Variants in SGCZ observed in about 807,000 individuals in gnomAD.
The protein encoded by SGCZ is sarcoglycan zeta.
In SGCZ, 40 loss-of-function variants were observed where a neutral mutation model predicts 41.3. The observed-to-expected ratio is 0.97, with a 90% CI of 0.75 to 1.26. The LOEUF (loss-of-function observed/expected upper bound fraction) is 1.26, where lower values mean the gene tolerates loss of function less well. Among genes scored for constraint, SGCZ ranks in the 50% most tolerant of loss-of-function variants. The pLI, the probability that SGCZ is intolerant of heterozygous loss-of-function variation, is 0.00. For missense variants in SGCZ, 552 were observed against 369.8 expected, an observed-to-expected ratio of 1.49 and a Z score of -4.04; for synonymous variants, 206 against 137.5, an observed-to-expected ratio of 1.50 and a Z score of -3.49.
intron 1 of SGCZ, among the ~76,000 whole-genome samples, chr8:14,880,761 C>G (rs1397610243): frequency 6.6e-6 from 1 of 152,010 alleles, no homozygotes; most frequent in African/African-American, 2.4e-5. Context: ...ATTGAGAACA[C>G]TTGGACACAG....
At chr8:14,435,660 C>T (rs1465690294) in intron 2 of SGCZ, among the ~76,000 whole-genome samples, 1 of 152,108 alleles carries the variant, frequency 6.6e-6, no homozygotes, top group African/African-American at 2.4e-5. Flanking sequence ...TGATACTAAA[C>T]ATTCAAAAGA....
chr8:14,811,500 C>G (rs902313380), intron 1 of SGCZ, among the ~76,000 whole-genome samples: 3 of 129,738 alleles, frequency 2.3e-5, no homozygotes, highest in Non-Finnish European at 4.7e-5. Flanking sequence ...ATGAAACATT[C>G]GCTGAAAGAC....
chr8:14,795,769 C>T (rs190316001), intron 1 of SGCZ, among the ~76,000 whole-genome samples: 2 of 152,166 alleles, frequency 1.3e-5, no homozygotes, highest in East Asian at 1.9e-4. Context: ...TATTTTATCA[C>T]CCAGGTTTTA....
rs1458291953 is a variant in SGCZ, at chr8:15,094,106, C to T, written c.39+143479G>A. On this transcript the variant is annotated intron_variant, in intron 1 of 7. Coordinates refer to ENST00000382080, the MANE Select transcript of SGCZ (RefSeq NM_139167.4). ...TAAGACAGAGGGATGGAGAGTGATA[C>T]GGCAGTTGTTTTATTTATTTATGGT... Among the ~76,000 whole-genome samples, 97 of 151,972 alleles carry T rather than the reference C, an allele frequency of 6.4e-4. 1 individual carries two copies. Among genetic ancestry groups the T allele is most frequent in the East Asian group, 1.9e-4 (1 of 5,170 alleles).
intron 3 of SGCZ, among the ~76,000 whole-genome samples, chr8:14,265,571 T>A (rs1799839322): frequency 6.6e-6 from 1 of 152,080 alleles, no homozygotes; most frequent in South Asian, 2.1e-4. Flanking sequence ...TATATTTTAT[T>A]TTCATATCGC....
chr8:15,063,637 T>C (rs1222997167), intron 1 of SGCZ, among the ~76,000 whole-genome samples: 1 of 152,176 alleles, frequency 6.6e-6, no homozygotes, highest in Admixed American at 6.5e-5. Context: ...CTGAAATGAC[T>C]TTGAATATTG....
rs11443740 is a variant in SGCZ at position 14,933,431 on chromosome 8, C to CTTT, written c.39+304151_39+304153dup. ...GTTTTATTCCATATACTTTTTTTTT[C>CTTT]TTTTTTTTTTTTTTTTTGGAGACGG... On this transcript the variant is annotated intron_variant, in intron 1 of 7. Transcript: ENST00000382080. Among the ~76,000 whole-genome samples the CTTT allele has an allele frequency of 4.5e-4, 54 of 120,404 alleles. 1 individual carries two copies. The highest frequency in any genetic ancestry group is 7.8e-4 in the South Asian group (3 of 3,854). The allele number at this position is 120,404 out of a possible 152,430, so 79.0% of individuals were successfully genotyped here. A position where few individuals can be genotyped will look rare whatever the true frequency, so the allele number is the denominator to read the frequency against.
At chr8:14,373,240 C>T (rs1158106899) in intron 2 of SGCZ, among the ~76,000 whole-genome samples, 1 of 152,068 alleles carries the variant, frequency 6.6e-6, no homozygotes, top group East Asian at 1.9e-4. Flanking sequence ...TGGCAAAAGA[C>T]CGTTGGCATT....
At chr8:14,666,093 T>G (rs10503509) in intron 1 of SGCZ, among the ~76,000 whole-genome samples, 1 of 151,964 alleles carries the variant, frequency 6.6e-6, no homozygotes, top group Non-Finnish European at 1.5e-5. Flanking sequence ...AGATTTTAAG[T>G]CTTTTCTCTG....
chr8:14,634,222 ATAAT>A, intron 1 of SGCZ, among the ~76,000 whole-genome samples: 1 of 152,022 alleles, frequency 6.6e-6, no homozygotes, highest in South Asian at 2.1e-4. Flanking sequence ...TTCATGAGTA[ATAAT>A]TAATAGATTT....
intron 2 of SGCZ, among the ~76,000 whole-genome samples, chr8:14,378,129 A>G (rs1804207311): frequency 6.7e-6 from 1 of 150,140 alleles, no homozygotes; most frequent in African/African-American, 2.5e-5. Flanking sequence ...TGGTTGAACT[A>G]GTTTACAGTC....
At chr8:15,221,456 G>A (rs972986031) in intron 1 of SGCZ, among the ~76,000 whole-genome samples, 8 of 152,108 alleles carry the variant, frequency 5.3e-5, no homozygotes, top group African/African-American at 1.7e-4. Context: ...GCTGTGTACC[G>A]CACTTGGTGA....
At chr8:14,842,089 A>T (rs2130629443) in intron 1 of SGCZ, among the ~76,000 whole-genome samples, 1 of 152,320 alleles carries the variant, frequency 6.6e-6, no homozygotes, top group Non-Finnish European at 1.5e-5. Context: ...ATGATAAAAC[A>T]AAACAGAAAC....
At chr8:14,334,899 G>C (rs1362115626) in intron 2 of SGCZ, among the ~76,000 whole-genome samples, 1 of 152,054 alleles carries the variant, frequency 6.6e-6, no homozygotes, top group Non-Finnish European at 1.5e-5. Context: ...GTGTGCCTGT[G>C]TGTATTTCCG....
At chr8:14,823,682 A>C (rs989618190) in intron 1 of SGCZ, among the ~76,000 whole-genome samples, 1 of 152,158 alleles carries the variant, frequency 6.6e-6, no homozygotes, top group African/African-American at 2.4e-5. Flanking sequence ...TCTTCCAAAA[A>C]ATTAAAAATA....
intron 3 of SGCZ, among the ~76,000 whole-genome samples, chr8:14,304,218 G>C (rs928642418): frequency 6.6e-6 from 1 of 152,020 alleles, no homozygotes; most frequent in African/African-American, 2.4e-5. Flanking sequence ...TGAGGCAGGA[G>C]GATCGCTTGA....
intron 2 of SGCZ, among the ~76,000 whole-genome samples, chr8:14,514,807 GTGTGTGTA>G (rs1246377690): frequency 0.014 from 874 of 62,376 alleles, 11 homozygotes; most frequent in African/African-American, 0.038. Context: ...GTGTGTGTGT[GTGTGTGTA>G]TATATACACG....
intron 1 of SGCZ, among the ~76,000 whole-genome samples, chr8:14,617,941 G>T (rs990578888): frequency 1.3e-5 from 2 of 151,898 alleles, no homozygotes; most frequent in African/African-American, 4.8e-5. Flanking sequence ...TACGTTAAGA[G>T]GCAGATAAAA....
intron 1 of SGCZ, among the ~76,000 whole-genome samples, chr8:15,074,141 C>A (rs60085795): frequency 0.011 from 1,743 of 152,260 alleles, 28 homozygotes; most frequent in African/African-American, 0.04. Flanking sequence ...GTCACTGACT[C>A]CCAGATGTCT....
Sources: allele counts gnomAD v4.1 joint callset (sites outside exome capture counted in the v4.1 genomes callset), GRCh38; gene constraint gnomAD v4.1.1; transcripts MANE v1.5; gene names NCBI Gene and HGNC (gene_info 2026-07-23, HGNC 2026-07-21).